EFCAB14: variants seen among roughly 807,000 people sequenced by gnomAD.
The protein encoded by EFCAB14 is EF-hand calcium binding domain 14, also known as EF-hand calcium-binding domain-containing protein 14.
In EFCAB14, 43 loss-of-function variants were observed where a neutral mutation model predicts 56.5. The ratio of observed to expected loss-of-function variants is 0.76; its 90% CI spans 0.60 to 0.98. The LOEUF is 0.98. Ranked by LOEUF, EFCAB14 falls within the 50% of genes least tolerant of loss-of-function variation. The pLI is 0.00. For missense variants in EFCAB14, 538 were observed against 580.3 expected (o/e 0.93, Z 0.75); for synonymous variants, 235 against 212.9 (o/e 1.10, Z -0.90).
At chr1:46,683,908 G>C (rs1487645467) in intron 9 of EFCAB14, among the ~76,000 whole-genome samples, 1 of 152,220 alleles carries the variant, frequency 6.6e-6, no homozygotes. Flanking sequence ...GAATTCAAGA[G>C]AGTTTGTACT....
In EFCAB14 at chr1:46,717,885, C is replaced by T. The variant is rs1194200955; in HGVS notation, c.185+18G>A. ...AAGGAGATGCCTTCTTCCCATTCCA[C>T]CTTTCACCACTACTCACTTGGCAAA... On this transcript the variant is annotated intron_variant, in intron 1 of 10. Transcript: ENST00000371933. 6.2e-6 allele frequency: 10 copies of T among 1,608,444 alleles called. No individual in the cohort carries two copies. Among genetic ancestry groups the T allele is most frequent in the Middle Eastern group, 2.0e-4 (1 of 5,078 alleles).
At chr1:46,707,623 T>C (rs1036167287) in intron 3 of EFCAB14, among the ~76,000 whole-genome samples, 12 of 152,244 alleles carry the variant, frequency 7.9e-5, no homozygotes, top group Non-Finnish European at 1.6e-4. Context: ...TATTCTACTA[T>C]GTAGGAAAGG....
intron 5 of EFCAB14, among the ~76,000 whole-genome samples, chr1:46,690,625 C>G (rs576890679): frequency 6.6e-6 from 1 of 152,008 alleles, no homozygotes; most frequent in East Asian, 1.9e-4. Flanking sequence ...AGAGCATAAT[C>G]AAGATATTAA....
Position 46,691,583 on chromosome 1 carries a change from T to G in EFCAB14, c.690+244A>C, listed in dbSNP as rs184020349. 3.4e-3 allele frequency among the ~76,000 whole-genome samples: 512 copies of G among 152,342 alleles called. 2 individuals carry two copies. The highest frequency in any genetic ancestry group is 5.2e-3 in the Non-Finnish European group (353 of 68,016). ...TCCATTTTCTGTCCTACCCATTCCA[T>G]CCTCAGGAACTGTGTCTTATTACCT... On this transcript the variant is annotated intron_variant, in intron 5 of 10. Transcript: ENST00000371933.
At chr1:46,716,481 T>C in intron 1 of EFCAB14, 38 bp from the exon 2 acceptor site, 1 of 1,609,356 alleles carries the variant, frequency 6.2e-7, no homozygotes, top group Non-Finnish European at 8.5e-7. Context: ...AGTACAAAAG[T>C]GATTATGGGT....
chr1:46,688,655 T>C, intron 6 of EFCAB14, 111 bp from the exon 7 acceptor site: 1 of 912,124 alleles, frequency 1.1e-6, no homozygotes, highest in South Asian at 1.8e-5. Context: ...TAAACTCCTT[T>C]TCCTGGTTTT....
intron 3 of EFCAB14, among the ~76,000 whole-genome samples, chr1:46,700,958 A>AGAGG (rs1677145093): frequency 1.1e-5 from 1 of 91,994 alleles, no homozygotes; most frequent in Non-Finnish European, 2.2e-5. Context: ...TGGGGGCATG[A>AGAGG]GAGAGAGAGA....
At chr1:46,679,399 C>T (rs1676752054) in intron 10 of EFCAB14, among the ~76,000 whole-genome samples, 1 of 152,062 alleles carries the variant, frequency 6.6e-6, no homozygotes, top group South Asian at 2.1e-4. Flanking sequence ...CTCCTGGGTT[C>T]AAGTGATTCT....
chr1:46,688,260 A>C, intron 7 of EFCAB14, 93 bp downstream of exon 7: 1 of 1,256,700 alleles, frequency 8.0e-7, no homozygotes. Context: ...GGCCTCTCAA[A>C]TATGCCAGAA....
At position 46,678,237 on chromosome 1, in the gene EFCAB14, T is replaced by A. The variant is rs919176456; in HGVS notation, c.*224A>T. On this transcript the variant is annotated 3_prime_UTR_variant, in exon 11 of 11. Coordinates refer to ENST00000371933, the MANE Select transcript of EFCAB14 (RefSeq NM_014774.3). Reference sequence around the variant, plus strand: ...TTTCTGGCAATTTTAAAATGTAAGATCTTACTGGTTGTAGGAAATCATAGA... The same window carrying A: ...TTTCTGGCAATTTTAAAATGTAAGAACTTACTGGTTGTAGGAAATCATAGA... 2.5e-6 allele frequency: 1 copy of A among 402,066 alleles called. No individual in the cohort carries two copies. Among genetic ancestry groups the A allele is most frequent in the Non-Finnish European group, 4.3e-6 (1 of 230,240 alleles). 24.9% of individuals were successfully genotyped at this position (402,066 alleles called of 1,614,324 possible).
chr1:46,688,076 T>C (rs150677541), intron 7 of EFCAB14, among the ~76,000 whole-genome samples: 1 of 152,194 alleles, frequency 6.6e-6, no homozygotes, highest in African/African-American at 2.4e-5. Context: ...AACATGACAG[T>C]AGCCTTGTCA....
At position 46,696,655 on chromosome 1, in the gene EFCAB14, CAA is replaced by C. The variant is rs768664388; in HGVS notation, c.481-8_481-7del. 4 of 1,610,924 alleles carry C rather than the reference CAA, an allele frequency of 2.5e-6. No homozygotes were observed. In the South Asian group the frequency reaches 3.3e-5, roughly 13 times the overall value. On this transcript the variant is annotated splice_polypyrimidine_tract_variant and splice_region_variant and intron_variant, in intron 3 of 10. Transcript: ENST00000371933. ...GCAGAAGTCAACAGAGAAATCTGAA[CAA>C]AAAAGAGTAACAAACAATGAAAACA...
At chr1:46,686,293 G>A (rs1004505658) in intron 8 of EFCAB14, among the ~76,000 whole-genome samples, 2 of 152,172 alleles carry the variant, frequency 1.3e-5, no homozygotes, top group African/African-American at 4.8e-5. Context: ...CATAGAGATT[G>A]CAATACAAAA....
chr1:46,714,590 G>A (rs1173934055), intron 2 of EFCAB14, among the ~76,000 whole-genome samples: 2 of 151,990 alleles, frequency 1.3e-5, no homozygotes, highest in Non-Finnish European at 2.9e-5. Flanking sequence ...CCAGGAGTTC[G>A]AGACCAGTCT....
intron 10 of EFCAB14, among the ~76,000 whole-genome samples, chr1:46,681,870 T>A (rs1676800721): frequency 6.6e-6 from 1 of 151,966 alleles, no homozygotes; most frequent in South Asian, 2.1e-4. Flanking sequence ...CTTTCCCCCA[T>A]TCATTCTCAT....
At chr1:46,716,465 A>G in intron 1 of EFCAB14, 22 bp from the exon 2 acceptor site, 1 of 1,613,382 alleles carries the variant, frequency 6.2e-7, no homozygotes, top group Non-Finnish European at 8.5e-7. Context: ...GACAAATTCA[A>G]CCATGAGTAC....
intron 4 of EFCAB14, among the ~76,000 whole-genome samples, chr1:46,694,843 G>T (rs187718777): frequency 6.6e-6 from 1 of 152,264 alleles, no homozygotes; most frequent in East Asian, 1.9e-4. Context: ...GTCCATCAGT[G>T]ATAGACTAGA....
chr1:46,699,775 C>G (rs760876545), intron 3 of EFCAB14, among the ~76,000 whole-genome samples: 1 of 152,214 alleles, frequency 6.6e-6, no homozygotes, highest in East Asian at 1.9e-4. Flanking sequence ...CCTACTTCCC[C>G]TTCCCTAGAG....
intron 4 of EFCAB14, among the ~76,000 whole-genome samples, chr1:46,693,913 G>T (rs1405497199): frequency 6.6e-6 from 1 of 152,088 alleles, no homozygotes; most frequent in Non-Finnish European, 1.5e-5. Flanking sequence ...AGAGCCCTCA[G>T]AAATAATACC....
Sources: gnomAD v4.1 joint callset for allele counts (sites outside exome capture counted in the v4.1 genomes callset) on GRCh38, gnomAD v4.1.1 for gene constraint, MANE v1.5 for transcripts, NCBI Gene and HGNC (gene_info 2026-07-23, HGNC 2026-07-21) for gene names.